EBF3: variants seen among roughly 807,000 people sequenced by gnomAD.
The protein encoded by EBF3 is EBF transcription factor 3.
In EBF3, 18 loss-of-function variants were observed where a neutral mutation model predicts 77.1. The ratio of observed to expected loss-of-function variants is 0.23; its 90% CI spans 0.16 to 0.35. EBF3 has a LOEUF of 0.35. EBF3 is among the 10% of genes least tolerant of loss of function. EBF3 has a pLI of 1.00. For missense variants in EBF3, 558 were observed against 860.0 expected (o/e 0.65, Z 4.39); for synonymous variants, 350 against 343.5 (o/e 1.02, Z -0.21).
chr10:129,902,138 A>G (rs59850645), intron 6 of EBF3, among the ~76,000 whole-genome samples: 529 of 152,180 alleles, frequency 3.5e-3, no homozygotes, highest in African/African-American at 0.012. Context: ...AGTTTACTTC[A>G]TCTAGCGCCA....
chr10:129,921,349 G>A (rs1350265183), intron 6 of EBF3, among the ~76,000 whole-genome samples: 4 of 152,146 alleles, frequency 2.6e-5, no homozygotes, highest in Admixed American at 6.5e-5. Context: ...AACCCTCCCC[G>A]CATTGGTCAC....
intron 6 of EBF3, among the ~76,000 whole-genome samples, chr10:129,954,636 G>A (rs1414511681): frequency 6.6e-6 from 1 of 152,174 alleles, no homozygotes; most frequent in Non-Finnish European, 1.5e-5. Flanking sequence ...TGGAACAAAT[G>A]TGGGCCCATT....
At chr10:129,893,850 A>G (rs574675772) in intron 6 of EBF3, among the ~76,000 whole-genome samples, 1 of 152,346 alleles carries the variant, frequency 6.6e-6, no homozygotes, top group South Asian at 2.1e-4. Flanking sequence ...CGCCTCTGTT[A>G]CAGGAAGCGT....
chr10:129,888,443 T>C (rs1305911561), intron 6 of EBF3, among the ~76,000 whole-genome samples: 1 of 152,256 alleles, frequency 6.6e-6, no homozygotes, highest in East Asian at 1.9e-4. Context: ...GGTGAATTGC[T>C]AGAACAAATA....
intron 6 of EBF3, among the ~76,000 whole-genome samples, chr10:129,929,195 T>A: frequency 6.6e-6 from 1 of 152,136 alleles, no homozygotes; most frequent in East Asian, 1.9e-4. Flanking sequence ...TTATTTTTTA[T>A]CTTTATTTTT....
intron 6 of EBF3, among the ~76,000 whole-genome samples, chr10:129,942,683 T>C (rs187655967): frequency 4.6e-5 from 7 of 152,376 alleles, no homozygotes; most frequent in Non-Finnish European, 8.8e-5. Flanking sequence ...CGATCACATT[T>C]ATTTCTTCTA....
chr10:129,963,517 C>T lies in EBF3; in HGVS notation c.141G>A (p.Val47=). The T allele has an allele frequency of 6.5e-7, 1 of 1,547,276 alleles. No homozygotes were observed. The highest frequency in any genetic ancestry group is 1.2e-5 in the South Asian group (1 of 85,232). ...TCTCGAAGTGCGCCCGCGCCAGCCCCACGCCGCTGCGGGAGGAAAGAGACA... is the reference window on the plus strand; with the variant it reads ...TCTCGAAGTGCGCCCGCGCCAGCCCTACGCCGCTGCGGGAGGAAAGAGACA... ...VDANTAAQSG[V]GLARAHFEKQ... is the part of the protein sequence containing the mutation. Residue 47 remains valine (V), a synonymous_variant, in exon 2 of 17, where the codon GTG becomes GTA. Transcript: ENST00000440978. This position sits in a 1 kb window ranked among gnomAD's most constrained non-coding sequence, Gnocchi z 7.1.
chr10:129,958,706 C>T (rs1450854199), intron 5 of EBF3, among the ~76,000 whole-genome samples: 1 of 152,188 alleles, frequency 6.6e-6, no homozygotes, highest in Non-Finnish European at 1.5e-5. Context: ...CGACACGGCC[C>T]ACATATTAAT....
Position 129,943,946 on chromosome 10 carries a change from G to A in EBF3, c.554+13312C>T, listed in dbSNP as rs533067434. On this transcript the variant is annotated intron_variant, in intron 6 of 16. Transcript: ENST00000440978. This position sits in a 1 kb window ranked among gnomAD's most constrained non-coding sequence, Gnocchi z 8.8. ...ACCAGTCGCTCTGAGGGTGCAGCGCGTGTGTCCATGGGTAAAATATCTCCC... is the reference window on the plus strand; with the variant it reads ...ACCAGTCGCTCTGAGGGTGCAGCGCATGTGTCCATGGGTAAAATATCTCCC... 1.7e-4 allele frequency among the ~76,000 whole-genome samples: 26 copies of A among 152,318 alleles called. No individual in the cohort carries two copies. Among genetic ancestry groups the A allele is most frequent in the South Asian group, 8.3e-4 (4 of 4,830 alleles).
chr10:129,912,123 G>C (rs1298072978), intron 6 of EBF3, among the ~76,000 whole-genome samples: 6 of 152,150 alleles, frequency 3.9e-5, no homozygotes, highest in African/African-American at 1.4e-4. Flanking sequence ...CAAAAGTTGG[G>C]GGAGGTCCTC....
chr10:129,843,100 G>GC (rs773866474), intron 12 of EBF3, 37 bp downstream of exon 12: 48 of 1,604,162 alleles, frequency 3.0e-5, no homozygotes, highest in Middle Eastern at 1.7e-4. Flanking sequence ...TCTGGCATGG[G>GC]GGGGAGGATG....
chr10:129,951,350 C>T (rs7085903), intron 6 of EBF3, among the ~76,000 whole-genome samples: 27,558 of 150,784 alleles, frequency 0.18, 2,666 homozygotes, highest in East Asian at 0.26. Context: ...ATAAGGCTGC[C>T]GCAGCGGTGC....
At chr10:129,907,602 C>T (rs553927256) in intron 6 of EBF3, among the ~76,000 whole-genome samples, 6 of 151,792 alleles carry the variant, frequency 4.0e-5, no homozygotes, top group Non-Finnish European at 8.8e-5. Context: ...CAAGATGCCT[C>T]GAAATACAGC....
chr10:129,939,448 C>T (rs766233911), intron 6 of EBF3, among the ~76,000 whole-genome samples: 1 of 152,248 alleles, frequency 6.6e-6, no homozygotes, highest in African/African-American at 2.4e-5. Flanking sequence ...AGCTGAAACA[C>T]GTGACCGTTC....
intron 3 of EBF3, among the ~76,000 whole-genome samples, chr10:129,962,602 A>G (rs1348615191): frequency 6.6e-6 from 1 of 152,118 alleles, no homozygotes; most frequent in Non-Finnish European, 1.5e-5. Context: ...TTAAAAAAAA[A>G]AAACTCGTTC....
intron 6 of EBF3, among the ~76,000 whole-genome samples, chr10:129,921,622 T>C (rs1856317090): frequency 6.6e-6 from 1 of 152,164 alleles, no homozygotes. Context: ...CACGGCAGCC[T>C]GAGTGACAGG....
At chr10:129,959,100 G>A in intron 4 of EBF3, 93 bp from the exon 5 acceptor site, 1 of 1,484,314 alleles carries the variant, frequency 6.7e-7, no homozygotes, top group Non-Finnish European at 9.2e-7. Flanking sequence ...CTGGCAGCAG[G>A]TGCACCACGC....
Position 129,944,137 on chromosome 10 carries a change from G to A in EBF3, c.554+13121C>T, listed in dbSNP as rs1858002844. Among the ~76,000 whole-genome samples, 2 of 152,116 alleles carry A rather than the reference G, an allele frequency of 1.3e-5. No individual in the cohort carries two copies. Among genetic ancestry groups the A allele is most frequent in the Admixed American group, 6.5e-5 (1 of 15,280 alleles). On this transcript the variant is annotated intron_variant, in intron 6 of 16. Coordinates refer to ENST00000440978, the MANE Select transcript of EBF3 (RefSeq NM_001375380.1). This position sits in a 1 kb window ranked among gnomAD's most constrained non-coding sequence, Gnocchi z 5.1. ...TCCTGTAAAATCCTAAATAAAATGA[G>A]AATTTTATTAAAGATATTTATCTTA... is the stretch of plus-strand genomic sequence containing the variant.
chr10:129,954,367 C>G (rs1228239454), intron 6 of EBF3, among the ~76,000 whole-genome samples: 2 of 152,070 alleles, frequency 1.3e-5, no homozygotes, highest in Non-Finnish European at 2.9e-5. Context: ...TAAGTGAAAC[C>G]TTTGCAGTGC....
Sources: allele counts gnomAD v4.1 joint callset (sites outside exome capture counted in the v4.1 genomes callset), GRCh38; gene constraint gnomAD v4.1.1; non-coding constraint Gnocchi (gnomAD v3.1); transcripts MANE v1.5; gene names NCBI Gene and HGNC (gene_info 2026-07-23, HGNC 2026-07-21).